TDRD9: variants seen among roughly 807,000 people sequenced by gnomAD.
TDRD9 encodes tudor domain containing 9.
TDRD9 carries 124 observed loss-of-function variants against 172.6 expected under a neutral mutation model. The observed-to-expected ratio is 0.72, with a 90% confidence interval of 0.62 to 0.83. The LOEUF (loss-of-function observed/expected upper bound fraction) is 0.83, where lower values mean the gene tolerates loss of function less well. Ranked by LOEUF, TDRD9 falls within the 40% of genes least tolerant of loss-of-function variation. TDRD9 has a pLI of 0.00. For missense variants in TDRD9, 1,479 were observed against 1,714.1 expected (o/e 0.86, Z 2.42); for synonymous variants, 619 against 617.1 (o/e 1.00, Z -0.05).
chr14:103,942,447 T>C (rs2031293643), intron 1 of TDRD9: 1 of 152,250 alleles, frequency 6.6e-6, no homozygotes. Context: ...TGGTCCTAAA[T>C]GCATTCCGAC....
At position 104,018,174 on chromosome 14, in the gene TDRD9, T is replaced by C. The variant is rs1156950173; in HGVS notation, c.2414T>C (p.Ile805Thr). 4 of 1,593,898 alleles carry C rather than the reference T, an allele frequency of 2.5e-6. No homozygotes were observed. The highest frequency in any genetic ancestry group is 3.4e-6 in the Non-Finnish European group (4 of 1,164,186). Residue 805 changes from isoleucine (I) to threonine (T), a missense_variant, in exon 23 of 36, where the codon ATT (isoleucine) becomes ACT (threonine). Ile to Thr is a moderately conservative substitution (Grantham distance 89). Transcript: ENST00000409874. ...AGACAGTGTGGTCAAGTCAAATCCATTGTATTTGATGGTGCAAAGTAAGTA... is the reference window on the plus strand; with the variant it reads ...AGACAGTGTGGTCAAGTCAAATCCACTGTATTTGATGGTGCAAAGTAAGTA... Reference protein sequence around the residue: ...LFRQCGQVKSIVFDGAKAFVE... With the variant: ...LFRQCGQVKSTVFDGAKAFVE...
chr14:103,957,115 T>G (rs2032286437), intron 2 of TDRD9, among the ~76,000 whole-genome samples: 1 of 152,248 alleles, frequency 6.6e-6, no homozygotes, highest in Non-Finnish European at 1.5e-5. Flanking sequence ...CTATACCAAT[T>G]AGTACCTTTT....
At chr14:103,947,296 TG>T (rs202174569) in intron 1 of TDRD9, among the ~76,000 whole-genome samples, 2 of 151,848 alleles carry the variant, frequency 1.3e-5, no homozygotes, top group Admixed American at 6.6e-5. Context: ...TTGTTTTTTT[TG>T]TTTGTTTGTT....
chr14:103,995,793 CA>C lies in TDRD9; in HGVS notation c.1365del (p.Asp456MetfsTer6). Reference protein sequence around the residue: ...TNIAESSVTVPDVKYVIDFCL... With the variant: ...TNIAESSVTVXDVKYVIDFCL... ...ATTGCAGAGAGTTCTGTCACAGTTCCAGATGTCAAATATGGTAAGATACTTC... is the reference window on the plus strand; with the variant it reads ...ATTGCAGAGAGTTCTGTCACAGTTCCGATGTCAAATATGGTAAGATACTTC... On this transcript the variant is annotated frameshift_variant, in exon 12 of 36. Transcript: ENST00000409874. LOFTEE classifies it high-confidence loss of function. 6.2e-7 allele frequency: 1 copy of C among 1,608,136 alleles called. No homozygotes were observed. The highest frequency in any genetic ancestry group is 1.1e-5 in the South Asian group (1 of 89,792).
chr14:104,040,764 T>G (rs2035590023), intron 33 of TDRD9, among the ~76,000 whole-genome samples: 1 of 152,206 alleles, frequency 6.6e-6, no homozygotes, highest in African/African-American at 2.4e-5. Context: ...GAGGGCTGGG[T>G]CAGCGTGAGT....
Position 104,049,616 on chromosome 14 carries a change from G to A in TDRD9, c.3983G>A (p.Cys1328Tyr). The A allele has an allele frequency of 6.4e-7, 1 of 1,571,090 alleles. No homozygotes were observed. The change falls in exon 35 of 36, where the codon TGT becomes TAT. Residue 1328 changes from cysteine (C) to tyrosine (Y), a missense_variant. Physicochemically the swap from Cys to Tyr is radical, Grantham distance 194. Transcript: ENST00000409874. ...TTTTTTTTTTAAATTAGTTTGTTCT[G>A]TCAGTCAAAACCAAGGGAGAAGATT... ...IARQKLLGLFCQSKPREKIVP... is the reference protein window; with the variant it reads ...IARQKLLGLFYQSKPREKIVP...
chr14:104,048,145 T>A (rs2035835367), intron 34 of TDRD9, among the ~76,000 whole-genome samples: 1 of 152,236 alleles, frequency 6.6e-6, no homozygotes, highest in Admixed American at 6.5e-5. Flanking sequence ...GTTTTGTTTG[T>A]TTCACTTTAG....
chr14:103,944,554 C>T (rs1348061858), intron 1 of TDRD9, among the ~76,000 whole-genome samples: 4 of 141,364 alleles, frequency 2.8e-5, no homozygotes, highest in Non-Finnish European at 6.1e-5. Flanking sequence ...TCTGTTCTCT[C>T]TCCACCCCGC....
intron 1 of TDRD9, among the ~76,000 whole-genome samples, chr14:103,931,703 G>A (rs1011604785): frequency 6.6e-6 from 1 of 152,186 alleles, no homozygotes; most frequent in African/African-American, 2.4e-5. Flanking sequence ...ACTATGTAAT[G>A]TTACATGGTG....
intron 1 of TDRD9, among the ~76,000 whole-genome samples, chr14:103,953,894 C>T (rs1455693520): frequency 2.0e-5 from 3 of 152,194 alleles, no homozygotes; most frequent in Non-Finnish European, 4.4e-5. Flanking sequence ...CTTCTTTACT[C>T]AGCCTACTGA....
intron 34 of TDRD9, among the ~76,000 whole-genome samples, chr14:104,047,911 T>G (rs79973736): frequency 0.048 from 7,311 of 152,314 alleles, 255 homozygotes; most frequent in East Asian, 0.071. Flanking sequence ...ATTGTTATCC[T>G]ATTTTTAAAA....
At chr14:104,023,184 C>CAAAAAAAAAAAAAAAAAAAAAA (rs10661391) in intron 24 of TDRD9, among the ~76,000 whole-genome samples, 1 of 64,434 alleles carries the variant, frequency 1.6e-5, no homozygotes, top group African/African-American at 7.2e-5. Context: ...GACTCCGTCT[C>CAAAAAAAAAAAAAAAAAAAAAA]AAAAAAAAAA....
At chr14:104,047,786 G>A (rs74488408) in intron 34 of TDRD9, among the ~76,000 whole-genome samples, 10,617 of 152,174 alleles carry the variant, frequency 0.07, 499 homozygotes, top group Middle Eastern at 0.12. Flanking sequence ...TTCATCTCAG[G>A]TCGACGTGGA....
intron 1 of TDRD9, among the ~76,000 whole-genome samples, chr14:103,943,729 G>GA (rs1263236807): frequency 6.6e-6 from 1 of 152,166 alleles, no homozygotes; most frequent in Admixed American, 6.5e-5. Flanking sequence ...AGTTCTCTGT[G>GA]AAACGACTGC....
chr14:103,951,867 C>T (rs59466645), intron 1 of TDRD9, among the ~76,000 whole-genome samples: 2 of 151,368 alleles, frequency 1.3e-5, no homozygotes, highest in African/African-American at 4.9e-5. Context: ...CCCGAGTTCA[C>T]GCCGTTCTCC....
intron 24 of TDRD9, among the ~76,000 whole-genome samples, chr14:104,022,913 C>T (rs979651044): frequency 4.0e-5 from 6 of 151,774 alleles, no homozygotes; most frequent in Admixed American, 3.9e-4. Flanking sequence ...GGTGAGGTGG[C>T]TCATGCCTGT....
At chr14:103,988,290 C>T (rs2033747040) in intron 8 of TDRD9, among the ~76,000 whole-genome samples, 1 of 152,086 alleles carries the variant, frequency 6.6e-6, no homozygotes, top group African/African-American at 2.4e-5. Context: ...TCTCCTGTCT[C>T]AGCCTCCCGA....
At chr14:103,956,133 TATATATATATATATATAA>T (rs1486186042) in intron 2 of TDRD9, among the ~76,000 whole-genome samples, 1 of 96,128 alleles carries the variant, frequency 1.0e-5, no homozygotes, top group Non-Finnish European at 1.9e-5. Context: ...TATATATATA[TATATATATATATATATAA>T]TTATTAGGCC....
chr14:103,952,220 A>ATTT (rs61410445), intron 1 of TDRD9, among the ~76,000 whole-genome samples: 1 of 32,336 alleles, frequency 3.1e-5, no homozygotes, highest in Non-Finnish European at 5.0e-5. Context: ...ATATATATAT[A>ATTT]TTTTTTTTTT....
Sources: gnomAD v4.1 joint callset for allele counts (sites outside exome capture counted in the v4.1 genomes callset) on GRCh38, gnomAD v4.1.1 for gene constraint, MANE v1.5 for transcripts, NCBI Gene and HGNC (gene_info 2026-07-23, HGNC 2026-07-21) for gene names.